MAN1B1: variants seen among roughly 807,000 people sequenced by gnomAD.
The protein encoded by MAN1B1 is mannosidase alpha class 1B member 1.
MAN1B1 carries 66 observed loss-of-function variants against 75.5 expected under a neutral mutation model. The ratio of observed to expected loss-of-function variants is 0.87; its 90% CI spans 0.72 to 1.07. The LOEUF is 1.07. Ranked by LOEUF, MAN1B1 falls within the 50% of genes least tolerant of loss-of-function variation. MAN1B1 has a pLI of 0.00. For missense variants in MAN1B1, 973 were observed against 912.5 expected, an observed-to-expected ratio of 1.07 and a Z score of -0.85; for synonymous variants, 453 against 382.8, an observed-to-expected ratio of 1.18 and a Z score of -2.14.
rs1320946844 is a variant in MAN1B1, at chr9:137,107,257, T to G, written c.1574T>G (p.Leu525Arg). 6.2e-7 allele frequency: 1 copy of G among 1,612,888 alleles called. No homozygotes were observed. The highest frequency in any genetic ancestry group is 8.5e-7 in the Non-Finnish European group (1 of 1,179,888). The part of the protein sequence containing the change: ...HGRFSAKMDH[L>R]VCFLPGTLAL... ...GAGACCCTCTGATTCCAGGACCACCTGGTGTGCTTCCTGCCAGGGACGCTG... is the reference window on the plus strand; with the variant it reads ...GAGACCCTCTGATTCCAGGACCACCGGGTGTGCTTCCTGCCAGGGACGCTG... The change falls in exon 11 of 13, where the codon CTG becomes CGG. Residue 525 changes from leucine to arginine, a missense_variant. Leu to Arg is a moderately radical substitution (Grantham distance 102). Coordinates refer to ENST00000371589, the MANE Select transcript of MAN1B1 (RefSeq NM_016219.5).
chr9:137,106,523 G>C (rs1831113693), intron 9 of MAN1B1, 166 bp from the exon 10 acceptor site: 1 of 1,174,114 alleles, frequency 8.5e-7, no homozygotes, highest in African/African-American at 1.5e-5. Context: ...GGGGGGGTGA[G>C]GGGGGCATCT....
chr9:137,091,038 C>T (rs533261606), intron 3 of MAN1B1, among the ~76,000 whole-genome samples: 14 of 152,276 alleles, frequency 9.2e-5, no homozygotes, highest in African/African-American at 2.9e-4. Context: ...TAGAAGGTGC[C>T]GTGCCTGATG....
In MAN1B1 at chr9:137,106,157, C is replaced by T. The variant is rs145524720; in HGVS notation, c.1287C>T (p.His429=). 9.7e-5 allele frequency: 157 copies of T among 1,613,006 alleles called. No individual in the cohort carries two copies. The African/African-American group carries it at 1.2e-3, about 12-fold the overall frequency. ...TGGAGAAGGTGACACAGCACATCCA[C>T]GGCCTGTCTGGGAAGAAGGATGGGC... is the stretch of plus-strand genomic sequence containing the variant. ...EAVEKVTQHI[H]GLSGKKDGLV... The change falls in exon 9 of 13, where the codon CAC becomes CAT. Residue 429 remains histidine, a synonymous_variant. Transcript: ENST00000371589.
At chr9:137,095,872 T>C (rs369346945) in intron 3 of MAN1B1, among the ~76,000 whole-genome samples, 8 of 152,298 alleles carry the variant, frequency 5.3e-5, no homozygotes, top group East Asian at 3.9e-4. Context: ...AGGATGTGGG[T>C]GCCTGCCTCA....
chr9:137,095,915 C>T (rs763790627), intron 3 of MAN1B1, among the ~76,000 whole-genome samples: 2 of 152,126 alleles, frequency 1.3e-5, no homozygotes, highest in Non-Finnish European at 2.9e-5. Flanking sequence ...GGCCTGGGGA[C>T]CCAGAGGTGT....
At chr9:137,093,537 C>T (rs574978764) in intron 3 of MAN1B1, among the ~76,000 whole-genome samples, 1 of 152,220 alleles carries the variant, frequency 6.6e-6, no homozygotes, top group South Asian at 2.1e-4. Context: ...ACATTTTATT[C>T]TTCTGCTGTG....
chr9:137,105,936 G>T (rs1221435500), intron 8 of MAN1B1, 189 bp from the exon 9 acceptor site: 1 of 698,382 alleles, frequency 1.4e-6, no homozygotes, highest in East Asian at 2.7e-5. Flanking sequence ...ACTGGTGGCT[G>T]TGTGGCTGTG....
intron 5 of MAN1B1, 47 bp downstream of exon 5, chr9:137,097,984 G>T: frequency 7.1e-7 from 1 of 1,410,506 alleles, no homozygotes; most frequent in South Asian, 1.2e-5. Context: ...TCAGGGGCTG[G>T]TGGCTGATGG....
At chr9:137,088,623 G>T in intron 2 of MAN1B1, 1 of 678,786 alleles carries the variant, frequency 1.5e-6, no homozygotes, top group East Asian at 3.0e-5. Flanking sequence ...CATGCTGAAC[G>T]TCCCTGAATG....
At chr9:137,097,228 T>C (rs1830675849) in intron 4 of MAN1B1, among the ~76,000 whole-genome samples, 1 of 152,228 alleles carries the variant, frequency 6.6e-6, no homozygotes, top group Non-Finnish European at 1.5e-5. Context: ...GTGCCACGTT[T>C]GTACTCCCAG....
chr9:137,093,271 G>A (rs1265442789), intron 3 of MAN1B1, among the ~76,000 whole-genome samples: 2 of 152,028 alleles, frequency 1.3e-5, no homozygotes, highest in Admixed American at 6.6e-5. Context: ...GTGCGCACCT[G>A]TAATCCCAGC....
In MAN1B1 at chr9:137,106,003, T is replaced by C. The variant is rs574498235; in HGVS notation, c.1255-122T>C. On this transcript the variant is annotated intron_variant, in intron 8 of 12. Transcript: ENST00000371589. ...GACAGCTGTGGGCTGGGCACAGAGC[T>C]CTCTCTGCTGGGAGTCAGTCGGTGC... 2.1e-4 allele frequency: 166 copies of C among 798,470 alleles called. 1 individual carries two copies. In the African/African-American group the frequency reaches 2.4e-3, roughly 12 times the overall value. 49.5% of individuals were successfully genotyped at this position (798,470 alleles called of 1,614,324 possible). A position where few individuals can be genotyped will look rare whatever the true frequency, so the allele number is the denominator to read the frequency against.
At chr9:137,098,287 G>A (rs555072965) in intron 5 of MAN1B1, among the ~76,000 whole-genome samples, 26 of 152,368 alleles carry the variant, frequency 1.7e-4, no homozygotes, top group African/African-American at 5.1e-4. Context: ...TCTCAGCACC[G>A]TTTGTTGGGG....
At chr9:137,096,426 C>G (rs202152728) in intron 4 of MAN1B1, 35 bp downstream of exon 4, 615 of 1,608,260 alleles carry the variant, frequency 3.8e-4, no homozygotes, top group Non-Finnish European at 5.0e-4. Flanking sequence ...CGCCGCCGCT[C>G]AGGGCTTGAT....
intron 3 of MAN1B1, among the ~76,000 whole-genome samples, chr9:137,091,338 A>G (rs992121300): frequency 1.3e-5 from 2 of 151,920 alleles, no homozygotes; most frequent in South Asian, 4.2e-4. Context: ...GTGGATGGTG[A>G]ATATTTCTGT....
intron 10 of MAN1B1, 115 bp downstream of exon 10, chr9:137,106,924 C>T: frequency 7.1e-7 from 1 of 1,415,864 alleles, no homozygotes; most frequent in Non-Finnish European, 9.5e-7. Context: ...ACGTGGAGGC[C>T]CTGGGTGGAC....
chr9:137,095,179 C>T (rs549456941), intron 3 of MAN1B1, among the ~76,000 whole-genome samples: 23 of 152,026 alleles, frequency 1.5e-4, no homozygotes, highest in African/African-American at 5.5e-4. Flanking sequence ...CAAAACAAGA[C>T]TCTGACTGGG....
intron 3 of MAN1B1, among the ~76,000 whole-genome samples, chr9:137,093,918 A>G (rs1482279890): frequency 6.6e-6 from 1 of 152,188 alleles, no homozygotes; most frequent in Non-Finnish European, 1.5e-5. Flanking sequence ...CTCTGTTTTT[A>G]AAGATGATTT....
intron 6 of MAN1B1, among the ~76,000 whole-genome samples, chr9:137,100,252 T>C (rs1830771917): frequency 6.6e-6 from 1 of 152,204 alleles, no homozygotes; most frequent in Non-Finnish European, 1.5e-5. Context: ...CCACTTTGAA[T>C]TGGGAGTATG....
Sources: allele counts gnomAD v4.1 joint callset (sites outside exome capture counted in the v4.1 genomes callset), GRCh38; gene constraint gnomAD v4.1.1; transcripts MANE v1.5; gene names NCBI Gene and HGNC (gene_info 2026-07-23, HGNC 2026-07-21).